The following MAPK8IP3 variants were observed in gnomAD, a reference collection of about 807,000 sequenced individuals.
The protein encoded by MAPK8IP3 is mitogen-activated protein kinase 8 interacting protein 3, also known as C-Jun-amino-terminal kinase-interacting protein 3.
In MAPK8IP3, 49 loss-of-function variants were observed where a neutral mutation model predicts 157.8. The ratio of observed to expected loss-of-function variants is 0.31; its 90% CI spans 0.25 to 0.39. MAPK8IP3 has a LOEUF of 0.39. MAPK8IP3 is among the 10% of genes least tolerant of loss of function. The probability of loss-of-function intolerance (pLI) is 1.00; values close to 1 mark genes in which losing one functional copy is unlikely to be tolerated. For synonymous variants in MAPK8IP3, 897 were observed against 777.7 expected, an observed-to-expected ratio of 1.15 and a Z score of -2.55; for missense variants, 1,478 against 1,889.4, an observed-to-expected ratio of 0.78 and a Z score of 4.04.
rs1235786795 is a variant in MAPK8IP3 at position 1,706,258 on chromosome 16, G to C, written c.-82G>C. 2 of 1,300,676 alleles carry C rather than the reference G, an allele frequency of 1.5e-6. No homozygotes were observed. Among genetic ancestry groups the C allele is most frequent in the South Asian group, 1.7e-5 (1 of 60,502 alleles). 80.6% of individuals were successfully genotyped at this position (1,300,676 alleles called of 1,614,324 possible). A position where few individuals can be genotyped will look rare whatever the true frequency, so the allele number is the denominator to read the frequency against. ...GCAGCTGCGGGAGGCGACGGGCTGCGGCCTGCGGAACCTGAGGCAGCTGGG... is the reference window on the plus strand; with the variant it reads ...GCAGCTGCGGGAGGCGACGGGCTGCCGCCTGCGGAACCTGAGGCAGCTGGG... On this transcript the variant is annotated 5_prime_UTR_variant, in exon 1 of 32. Coordinates refer to ENST00000610761, the MANE Select transcript of MAPK8IP3 (RefSeq NM_001318852.2). This position sits in a 1 kb window ranked among gnomAD's most constrained non-coding sequence, Gnocchi z 5.1.
chr16:1,734,172 T>G (rs2039501106), intron 4 of MAPK8IP3, among the ~76,000 whole-genome samples: 1 of 152,232 alleles, frequency 6.6e-6, no homozygotes, highest in South Asian at 2.1e-4. Flanking sequence ...TTGCCAGATC[T>G]CCACAGCACG....
rs2042041238 is a variant in MAPK8IP3 at position 1,762,979 on chromosome 16, G to T, written c.1871G>T (p.Ser624Ile). The part of the protein sequence containing the change: ...NHAMCPISAG[S>I]RPLEFFPDDD... ...GCCATGTGCCCGATCTCGGCAGGCA[G>T]CCGGCCCCTGGAATTCTTCCCTGAC... The change falls in exon 16 of 32, where the codon AGC becomes ATC. Residue 624 changes from serine to isoleucine, a missense_variant. Physicochemically the swap from Ser to Ile is moderately radical, Grantham distance 142. Around this residue, in one of 11 missense-constraint regions of MAPK8IP3, gnomAD observed 669 missense variants for 759.8 expected, o/e 0.88. Transcript: ENST00000610761. The T allele has an allele frequency of 6.2e-7, 1 of 1,612,742 alleles. No homozygotes were observed. The highest frequency in any genetic ancestry group is 1.3e-5 in the African/African-American group (1 of 74,942).
intron 1 of MAPK8IP3, among the ~76,000 whole-genome samples, chr16:1,718,651 G>A (rs539073397): frequency 9.2e-5 from 14 of 151,862 alleles, no homozygotes; most frequent in Admixed American, 2.6e-4. Context: ...AAAATTAGCC[G>A]GGCATGGTGG....
intron 9 of MAPK8IP3, 52 bp from the exon 10 acceptor site, chr16:1,758,926 T>C (rs1049851812): frequency 6.2e-7 from 1 of 1,605,492 alleles, no homozygotes; most frequent in Admixed American, 1.7e-5. Context: ...CCTTTCTCCC[T>C]CTCCTCCCGC....
chr16:1,737,009 CGT>C (rs1460294249), intron 4 of MAPK8IP3, among the ~76,000 whole-genome samples: 27 of 57,954 alleles, frequency 4.7e-4, no homozygotes, highest in Admixed American at 1.1e-3. Flanking sequence ...TGTGACCGTC[CGT>C]GTGAGAGTGT....
At chr16:1,767,072 G>A in intron 25 of MAPK8IP3, 77 bp from the exon 26 acceptor site, 2 of 1,588,028 alleles carry the variant, frequency 1.3e-6, no homozygotes, top group Non-Finnish European at 1.7e-6. Context: ...TAGTCTGGCA[G>A]TGGGTGTCTC....
chr16:1,729,389 T>G (rs1596594036), intron 3 of MAPK8IP3, 98 bp from the exon 4 acceptor site: 1 of 1,343,388 alleles, frequency 7.4e-7, no homozygotes, highest in East Asian at 2.4e-5. Flanking sequence ...CTGTCTTGAT[T>G]TCTGCCTGCA....
chr16:1,757,694 AAGCCTAGG>A (rs1332397295), intron 8 of MAPK8IP3, among the ~76,000 whole-genome samples: 1 of 152,108 alleles, frequency 6.6e-6, no homozygotes, highest in Non-Finnish European at 1.5e-5. Flanking sequence ...GCTGACCCAG[AAGCCTAGG>A]AGTCCAGCTC....
chr16:1,707,896 T>A (rs1336024952), intron 1 of MAPK8IP3: 1 of 152,238 alleles, frequency 6.6e-6, no homozygotes, highest in Admixed American at 6.5e-5. Flanking sequence ...ATTGTGTCAG[T>A]ATTTTGGCTT....
chr16:1,706,686 C>T lies in MAPK8IP3; in HGVS notation c.318+29C>T, dbSNP rs936787566. On this transcript the variant is annotated intron_variant, in intron 1 of 31. Transcript: ENST00000610761. This position sits in a 1 kb window ranked among gnomAD's most constrained non-coding sequence, Gnocchi z 5.1. The stretch of plus-strand genomic sequence containing the variant: ...CGTGGGCCGCGGGACCCGCCCGCAT[C>T]CCCGTCCCGGACCCCCAGCCAGCCC... 34 of 1,511,260 alleles carry T rather than the reference C, an allele frequency of 2.2e-5. No individual in the cohort carries two copies. Among genetic ancestry groups the T allele is most frequent in the Non-Finnish European group, 3.0e-5 (34 of 1,130,638 alleles). 93.6% of individuals were successfully genotyped at this position (1,511,260 alleles called of 1,614,324 possible).
In MAPK8IP3 at chr16:1,766,155, C is replaced by T. The variant is rs374264651; in HGVS notation, c.2629+13C>T. 3.4e-5 allele frequency: 55 copies of T among 1,603,480 alleles called. No individual in the cohort carries two copies. Among genetic ancestry groups the T allele is most frequent in the Middle Eastern group, 3.3e-4 (2 of 6,058 alleles). On this transcript the variant is annotated intron_variant, in intron 21 of 31. Coordinates refer to ENST00000610761, the MANE Select transcript of MAPK8IP3 (RefSeq NM_001318852.2). ...GACAAGGGGCAGGGTGAGTCCTGGG[C>T]GAGTTTCCCCCATCCCCTCATTCCC... is the stretch of plus-strand genomic sequence containing the variant.
At position 1,744,488 on chromosome 16, in the gene MAPK8IP3, G is replaced by A. The variant is rs764233498; in HGVS notation, c.747+1012G>A. The A allele has an allele frequency of 2.3e-5, 23 of 985,530 alleles. No individual in the cohort carries two copies. The African/African-American group carries it at 3.1e-4, about 13-fold the overall frequency. 61.0% of individuals were successfully genotyped at this position (985,530 alleles called of 1,614,324 possible). A position where few individuals can be genotyped will look rare whatever the true frequency, so the allele number is the denominator to read the frequency against. ...CGAGCTCCCTCATGGCATCTGGAAC[G>A]CTCTCCTGTCCTCCCTGTGCTCAGG... On this transcript the variant is annotated intron_variant, in intron 5 of 31. Transcript: ENST00000610761.
chr16:1,731,522 G>A (rs891003868), intron 4 of MAPK8IP3, among the ~76,000 whole-genome samples: 11 of 152,226 alleles, frequency 7.2e-5, no homozygotes, highest in East Asian at 1.9e-4. Flanking sequence ...CACGTGTCAC[G>A]CATGAGGCCA....
chr16:1,733,605 G>T (rs1302036875), intron 4 of MAPK8IP3, among the ~76,000 whole-genome samples: 3 of 152,250 alleles, frequency 2.0e-5, no homozygotes, highest in Admixed American at 2.0e-4. Flanking sequence ...CCAGGGACCT[G>T]AGCTGAGTCT....
At chr16:1,744,342 G>A (rs2040844152) in intron 5 of MAPK8IP3, 1 of 985,872 alleles carries the variant, frequency 1.0e-6, no homozygotes, top group South Asian at 4.7e-5. Flanking sequence ...TTCTCCAGAA[G>A]CTTACTTCCT....
Position 1,768,839 on chromosome 16 carries a change from C to T in MAPK8IP3, c.*15C>T. ...CCCCCGAGTGAAGCTGCTGCCCTGC[C>T]TGGCCCGACCTGTACATAGGACCCC... is the stretch of plus-strand genomic sequence containing the variant. On this transcript the variant is annotated 3_prime_UTR_variant, in exon 32 of 32. Transcript: ENST00000610761. The T allele has an allele frequency of 3.7e-6, 6 of 1,611,002 alleles. No individual in the cohort carries two copies. The South Asian group carries it at 4.4e-5, about 12-fold the overall frequency.
chr16:1,718,115 A>G (rs890032319), intron 1 of MAPK8IP3, among the ~76,000 whole-genome samples: 1 of 151,914 alleles, frequency 6.6e-6, no homozygotes, highest in Admixed American at 6.6e-5. Flanking sequence ...GGACTCCCAA[A>G]GTGCTGGGAT....
At chr16:1,764,877 TGG>T in intron 19 of MAPK8IP3, 134 bp from the exon 20 acceptor site, 1 of 826,192 alleles carries the variant, frequency 1.2e-6, no homozygotes, top group Non-Finnish European at 1.9e-6. Context: ...GTTCTGGTCC[TGG>T]GGGAGGACAG....
rs1447184397 is a variant in MAPK8IP3, at chr16:1,742,138, G to A, written c.603-1194G>A. Among the ~76,000 whole-genome samples, 1 of 152,186 alleles carries A rather than the reference G, an allele frequency of 6.6e-6. No individual in the cohort carries two copies. The highest frequency in any genetic ancestry group is 2.4e-5 in the African/African-American group (1 of 41,438). On this transcript the variant is annotated intron_variant, in intron 4 of 31. Coordinates refer to ENST00000610761, the MANE Select transcript of MAPK8IP3 (RefSeq NM_001318852.2). The surrounding 1 kb of genome is among the most constrained non-coding windows in gnomAD (Gnocchi z 5.0). ...TCCTGAATAGCCCTGAGCAGTGTGG[G>A]CTCCAGCATCTGACCACGTGGCCTG...
Sources: allele counts gnomAD v4.1 joint callset (sites outside exome capture counted in the v4.1 genomes callset), GRCh38; gene constraint gnomAD v4.1.1; regional missense constraint gnomAD v4.1.1; non-coding constraint Gnocchi (gnomAD v3.1); transcripts MANE v1.5; gene names NCBI Gene and HGNC (gene_info 2026-07-23, HGNC 2026-07-21).